Variants in ZNF804A observed in about 807,000 individuals in gnomAD.
The protein encoded by ZNF804A is zinc finger protein 804A.
In ZNF804A, 2 loss-of-function variants were observed where a neutral mutation model predicts 16.5. The observed-to-expected ratio is 0.12, with a 90% CI of 0.05 to 0.38. The LOEUF (loss-of-function observed/expected upper bound fraction) is 0.38. ZNF804A is among the 10% of genes least tolerant of loss of function. The pLI is 0.99. For missense variants in ZNF804A, 1,473 were observed against 1,390.7 expected, an observed-to-expected ratio of 1.06 and a Z score of -0.94; for synonymous variants, 534 against 489.6, an observed-to-expected ratio of 1.09 and a Z score of -1.20.
At chr2:184,884,782 G>A (rs1388622247) in intron 2 of ZNF804A, among the ~76,000 whole-genome samples, 3 of 152,104 alleles carry the variant, frequency 2.0e-5, no homozygotes, top group African/African-American at 7.2e-5. Context: ...TCTGTACATA[G>A]GCCCTGGCAA....
chr2:184,675,489 C>T lies in ZNF804A; in HGVS notation c.111+76419C>T, dbSNP rs76439266. ...TGTTTGATAATTCTTTTTAAATAAA[C>T]GGTAAGTTAAATCACTGCATGTAGA... is the stretch of plus-strand genomic sequence containing the variant. On this transcript the variant is annotated intron_variant, in intron 1 of 3. Transcript: ENST00000302277. Among the ~76,000 whole-genome samples, 210 of 151,612 alleles carry T rather than the reference C, an allele frequency of 1.4e-3. 2 individuals carry two copies. Among genetic ancestry groups the T allele is most frequent in the East Asian group, 4.1e-3 (21 of 5,184 alleles).
At chr2:184,742,318 A>T (rs1693720238) in intron 1 of ZNF804A, among the ~76,000 whole-genome samples, 1 of 151,992 alleles carries the variant, frequency 6.6e-6, no homozygotes, top group Non-Finnish European at 1.5e-5. Context: ...TTTTGAAAAA[A>T]ATTATGGCTT....
At chr2:184,909,362 A>G (rs1685323382) in intron 2 of ZNF804A, among the ~76,000 whole-genome samples, 1 of 152,058 alleles carries the variant, frequency 6.6e-6, no homozygotes, top group Non-Finnish European at 1.5e-5. Context: ...GCTTATTACA[A>G]CATAGATGTA....
chr2:184,762,353 G>A (rs984375512), intron 1 of ZNF804A, among the ~76,000 whole-genome samples: 5 of 151,508 alleles, frequency 3.3e-5, no homozygotes, highest in South Asian at 2.1e-4. Context: ...CAGGTAATCC[G>A]GAGTCAAAAT....
chr2:184,682,044 G>A (rs1692550612), intron 1 of ZNF804A, among the ~76,000 whole-genome samples: 1 of 152,214 alleles, frequency 6.6e-6, no homozygotes. Flanking sequence ...AGCCCCCTCT[G>A]AAACTTTGGG....
intron 2 of ZNF804A, among the ~76,000 whole-genome samples, chr2:184,888,771 G>T (rs1684936906): frequency 1.3e-5 from 2 of 151,992 alleles, no homozygotes; most frequent in Non-Finnish European, 2.9e-5. Context: ...AAGAAAAAAT[G>T]GTAGAAAAGT....
intron 2 of ZNF804A, among the ~76,000 whole-genome samples, chr2:184,889,757 G>T (rs951788184): frequency 1.3e-5 from 2 of 151,866 alleles, no homozygotes; most frequent in Non-Finnish European, 2.9e-5. Context: ...TCAATTGCGT[G>T]CCTCACTAAG....
intron 2 of ZNF804A, among the ~76,000 whole-genome samples, chr2:184,913,001 G>C (rs1347565464): frequency 6.6e-6 from 1 of 151,970 alleles, no homozygotes; most frequent in African/African-American, 2.4e-5. Context: ...AGAAACCATT[G>C]CTAAATCTGA....
At chr2:184,648,653 A>G (rs1433689984) in intron 1 of ZNF804A, among the ~76,000 whole-genome samples, 1 of 152,174 alleles carries the variant, frequency 6.6e-6, no homozygotes, top group African/African-American at 2.4e-5. Context: ...TATATCAAAT[A>G]AAATAGACTT....
At chr2:184,660,314 C>T (rs1172222351) in intron 1 of ZNF804A, among the ~76,000 whole-genome samples, 1 of 152,098 alleles carries the variant, frequency 6.6e-6, no homozygotes, top group Non-Finnish European at 1.5e-5. Context: ...ATTATTCTTG[C>T]CAGCTACTTT....
intron 1 of ZNF804A, among the ~76,000 whole-genome samples, chr2:184,764,175 A>G (rs897539410): frequency 1.3e-5 from 2 of 152,010 alleles, no homozygotes; most frequent in African/African-American, 2.4e-5. Context: ...TTTCAAATAC[A>G]TAAAAACATA....
At chr2:184,848,066 A>C (rs1316162542) in intron 1 of ZNF804A, among the ~76,000 whole-genome samples, 1 of 151,888 alleles carries the variant, frequency 6.6e-6, no homozygotes, top group Non-Finnish European at 1.5e-5. Context: ...GCCATTGATG[A>C]TTGACTCAAT....
chr2:184,797,181 T>C (rs1364258869), intron 1 of ZNF804A, among the ~76,000 whole-genome samples: 1 of 152,210 alleles, frequency 6.6e-6, no homozygotes, highest in Non-Finnish European at 1.5e-5. Flanking sequence ...TGTTTCTTTC[T>C]TGACTTTTTG....
chr2:184,723,046 T>A (rs1364771052), intron 1 of ZNF804A, among the ~76,000 whole-genome samples: 2 of 151,902 alleles, frequency 1.3e-5, no homozygotes, highest in African/African-American at 4.8e-5. Flanking sequence ...CTAGGCTTAG[T>A]TTTAGTATGG....
At chr2:184,874,532 C>T (rs1467922965) in intron 2 of ZNF804A, among the ~76,000 whole-genome samples, 1 of 152,020 alleles carries the variant, frequency 6.6e-6, no homozygotes, top group Non-Finnish European at 1.5e-5. Context: ...ATAATTGATG[C>T]TATTGTTAAC....
chr2:184,910,759 C>T (rs1488484159), intron 2 of ZNF804A, among the ~76,000 whole-genome samples: 3 of 151,766 alleles, frequency 2.0e-5, no homozygotes, highest in Non-Finnish European at 2.9e-5. Flanking sequence ...GTTTGTTGGC[C>T]ACTTGTATAT....
intron 1 of ZNF804A, among the ~76,000 whole-genome samples, chr2:184,717,053 A>T (rs1269804646): frequency 6.6e-6 from 1 of 152,188 alleles, no homozygotes; most frequent in Non-Finnish European, 1.5e-5. Flanking sequence ...CACTACAGGC[A>T]TCCCATCCTG....
intron 1 of ZNF804A, among the ~76,000 whole-genome samples, chr2:184,670,550 T>C (rs1311353762): frequency 6.6e-6 from 1 of 152,144 alleles, no homozygotes; most frequent in Non-Finnish European, 1.5e-5. Flanking sequence ...TTCTTAGATA[T>C]TGCAGTGTCT....
intron 1 of ZNF804A, among the ~76,000 whole-genome samples, chr2:184,621,849 C>G (rs576311581): frequency 2.6e-5 from 4 of 151,788 alleles, no homozygotes; most frequent in African/African-American, 9.6e-5. Context: ...ATTATGCTAT[C>G]AAACAAATCC....
Sources: allele counts gnomAD v4.1 joint callset (sites outside exome capture counted in the v4.1 genomes callset), GRCh38; gene constraint gnomAD v4.1.1; transcripts MANE v1.5; gene names NCBI Gene and HGNC (gene_info 2026-07-23, HGNC 2026-07-21).